The following CELF2 variants were observed in gnomAD, a reference collection of about 807,000 sequenced individuals.
CELF2 encodes CUG triplet repeat RNA-binding protein 2.
CELF2 carries 8 observed loss-of-function variants against 62.6 expected under a neutral mutation model. That is an observed-to-expected ratio of 0.13 (90% CI 0.07 to 0.23). CELF2 has a LOEUF of 0.23. Among genes scored for constraint, CELF2 ranks in the 10% least tolerant of loss-of-function variants. CELF2 has a pLI of 1.00. For synonymous variants in CELF2, 258 were observed against 250.0 expected (o/e 1.03, Z -0.30); for missense variants, 333 against 671.0 (o/e 0.50, Z 5.56).
In CELF2 at chr10:11,262,562, G is replaced by C. The variant is rs916046811; in HGVS notation, c.539-4036G>C. On this transcript the variant is annotated intron_variant, in intron 5 of 12. Transcript: ENST00000633077. ...TTATCTCAGTGATGAGATTTTGCCA[G>C]CTATTAAGTAGGTCCTAGTCTGTAC... 4.6e-5 allele frequency among the ~76,000 whole-genome samples: 7 copies of C among 152,278 alleles called. No homozygotes were observed. The South Asian group carries it at 8.3e-4, about 18-fold the overall frequency.
In CELF2 at chr10:10,983,656, C is replaced by T. The variant is rs2052407256; in HGVS notation, c.89+63657C>T. ...AATCTTGGCTCACTGCAACCTCCAC[C>T]TCCCAGGTTCAAGCGATTCTCCTGC... On this transcript the variant is annotated intron_variant, in intron 2 of 13. Coordinates refer to the CELF2 transcript ENST00000636488. The surrounding 1 kb of genome is among the most constrained non-coding windows in gnomAD (Gnocchi z 5.2). Among the ~76,000 whole-genome samples the T allele has an allele frequency of 6.6e-6, 1 of 152,216 alleles. No homozygotes were observed. The highest frequency in any genetic ancestry group is 1.5e-5 in the Non-Finnish European group (1 of 68,034).
chr10:11,017,775 C>T (rs1414825493), upstream of CELF2: 13 of 194,474 alleles, frequency 6.7e-5, no homozygotes, highest in Non-Finnish European at 1.1e-4. The surrounding 1 kb of genome is among the most constrained non-coding windows in gnomAD (Gnocchi z 5.5). Context: ...GGAGGCGGCC[C>T]GCCCTGTGTC....
At chr10:11,015,652 A>C (rs1333836189), upstream of CELF2, among the ~76,000 whole-genome samples, 2 of 152,230 alleles carry the variant, frequency 1.3e-5, no homozygotes, top group Admixed American at 1.3e-4. This position sits in a 1 kb window ranked among gnomAD's most constrained non-coding sequence, Gnocchi z 4.8. Flanking sequence ...TATGTTACAC[A>C]GTAGTTAAAT....
At chr10:10,862,855 A>G (rs2060125968) in intron 1 of CELF2, among the ~76,000 whole-genome samples, 1 of 152,206 alleles carries the variant, frequency 6.6e-6, no homozygotes, top group South Asian at 2.1e-4. Flanking sequence ...CACAAAAACA[A>G]TTTATATTCA....
chr10:10,538,531 C>G, the CELF2 span, among the ~76,000 whole-genome samples: 1 of 152,144 alleles, frequency 6.6e-6, no homozygotes, highest in Non-Finnish European at 1.5e-5. Flanking sequence ...TGGCTTTAAG[C>G]CATTATCTGT....
At chr10:11,079,664 G>A (rs754748343) in intron 1 of CELF2, among the ~76,000 whole-genome samples, 21 of 151,748 alleles carry the variant, frequency 1.4e-4, no homozygotes, top group Non-Finnish European at 2.6e-4. Flanking sequence ...ATGCAGAACT[G>A]TAAGTCAATT....
At chr10:11,129,502 T>C (rs1041812641) in intron 1 of CELF2, among the ~76,000 whole-genome samples, 5 of 152,218 alleles carry the variant, frequency 3.3e-5, no homozygotes, top group Non-Finnish European at 7.3e-5. Flanking sequence ...TGAATCTGTC[T>C]GGTCCTGGCC....
chr10:10,598,747 C>CTTTTTTTTTTTTTTTTT, the CELF2 span, among the ~76,000 whole-genome samples: 2 of 73,182 alleles, frequency 2.7e-5, no homozygotes, highest in African/African-American at 4.4e-5. Flanking sequence ...TTTTCTTTTT[C>CTTTTTTTTTTTTTTTTT]TTTCTTTTTT....
In CELF2 at chr10:11,144,900, G is replaced by GAAAAAAA. The variant is rs397846995; in HGVS notation, c.75-20569_75-20563dup. ...GAGGGAGACCCTGTCTCAGGAAACA[G>GAAAAAAA]AAAAAAAAAAAAAAAAAAAAAAAGG... On this transcript the variant is annotated intron_variant, in intron 1 of 12. Transcript: ENST00000633077. 2.9e-3 allele frequency among the ~76,000 whole-genome samples: 214 copies of GAAAAAAA among 73,134 alleles called. 4 individuals carry two copies. Among genetic ancestry groups the GAAAAAAA allele is most frequent in the Admixed American group, 3.8e-3 (22 of 5,794 alleles). The allele number at this position is 73,134 out of a possible 152,430, so 48.0% of individuals were successfully genotyped here.
intron 2 of CELF2, among the ~76,000 whole-genome samples, chr10:11,194,045 T>C (rs959881636): frequency 5.9e-5 from 9 of 152,240 alleles, no homozygotes; most frequent in Admixed American, 5.2e-4. Flanking sequence ...TTTCACAGTA[T>C]TTTTACTTTT....
Position 11,280,989 on chromosome 10 carries a change from C to CGCGTGTGT in CELF2, c.841+5870_841+5871insCGTGTGTG, listed in dbSNP as rs1555055103. Among the ~76,000 whole-genome samples the CGCGTGTGT allele has an allele frequency of 6.9e-6, 1 of 144,400 alleles. No homozygotes were observed. The highest frequency in any genetic ancestry group is 2.6e-5 in the African/African-American group (1 of 38,838). 94.7% of individuals were successfully genotyped at this position (144,400 alleles called of 152,430 possible). A position where few individuals can be genotyped will look rare whatever the true frequency, so the allele number is the denominator to read the frequency against. On this transcript the variant is annotated intron_variant, in intron 8 of 12. Transcript: ENST00000633077. The surrounding 1 kb of genome is among the most constrained non-coding windows in gnomAD (Gnocchi z 7.6). The stretch of plus-strand genomic sequence containing the variant: ...TGGCGTGCGTGTGCATGCCTGTGTG[C>CGCGTGTGT]GTGTGTGTGTGTGTGTGTGTGTGTG...
chr10:11,017,620 G>T (rs1233803561), upstream of CELF2, among the ~76,000 whole-genome samples: 1 of 152,140 alleles, frequency 6.6e-6, no homozygotes, highest in Non-Finnish European at 1.5e-5. The surrounding 1 kb of genome is among the most constrained non-coding windows in gnomAD (Gnocchi z 5.5). Flanking sequence ...TTGGCGCCTG[G>T]GTGGCCCTAA....
the CELF2 span, among the ~76,000 whole-genome samples, chr10:10,722,962 T>A: frequency 2.0e-5 from 3 of 152,190 alleles, no homozygotes; most frequent in Non-Finnish European, 4.4e-5. Context: ...CTTCCTTCAT[T>A]TTGGATGTTG....
chr10:11,017,947 G>A lies in CELF2; in HGVS notation c.-143G>A, dbSNP rs2057529131. The A allele has an allele frequency of 2.0e-6, 2 of 985,398 alleles. No individual in the cohort carries two copies. The highest frequency in any genetic ancestry group is 1.2e-6 in the Non-Finnish European group (1 of 831,340). 61.0% of individuals were successfully genotyped at this position (985,398 alleles called of 1,614,324 possible). Reference sequence around the variant, plus strand: ...ATTTCGGAGGGGATTGGCGGAGCGCGAGGAGAGAATGTGACAAGTGCCGGC... The same window carrying A: ...ATTTCGGAGGGGATTGGCGGAGCGCAAGGAGAGAATGTGACAAGTGCCGGC... On this transcript the variant is annotated 5_prime_UTR_variant, in exon 1 of 13. Transcript: ENST00000633077. This position sits in a 1 kb window ranked among gnomAD's most constrained non-coding sequence, Gnocchi z 5.5.
intron 1 of CELF2, among the ~76,000 whole-genome samples, chr10:11,161,059 G>C (rs764197502): frequency 2.6e-5 from 4 of 152,188 alleles, no homozygotes; most frequent in Non-Finnish European, 5.9e-5. Context: ...TTACTGATTA[G>C]AGGGACCTCA....
intron 1 of CELF2, among the ~76,000 whole-genome samples, chr10:11,096,974 A>C (rs1033142949): frequency 6.6e-6 from 1 of 151,986 alleles, no homozygotes; most frequent in Non-Finnish European, 1.5e-5. Context: ...CTAGTTCCTT[A>C]TGTCTTTAAA....
At chr10:10,772,108 G>GA in the CELF2 span, among the ~76,000 whole-genome samples, 4 of 150,450 alleles carry the variant, frequency 2.7e-5, no homozygotes, top group African/African-American at 9.8e-5. Flanking sequence ...TGATTTAGAG[G>GA]AAAAAAAAGG....
chr10:10,555,870 C>T, the CELF2 span, among the ~76,000 whole-genome samples: 1 of 152,140 alleles, frequency 6.6e-6, no homozygotes, highest in African/African-American at 2.4e-5. Context: ...TCACAGTTGC[C>T]CAGGCCCTAA....
chr10:10,534,472 C>A, the CELF2 span, among the ~76,000 whole-genome samples: 1 of 152,166 alleles, frequency 6.6e-6, no homozygotes, highest in African/African-American at 2.4e-5. Flanking sequence ...AGATGTGGAA[C>A]ACACAGAGTT....
Sources: allele counts gnomAD v4.1 joint callset (sites outside exome capture counted in the v4.1 genomes callset), GRCh38; gene constraint gnomAD v4.1.1; non-coding constraint Gnocchi (gnomAD v3.1); transcripts MANE v1.5; gene names NCBI Gene and HGNC (gene_info 2026-07-23, HGNC 2026-07-21).